RORA: variants seen among roughly 807,000 people sequenced by gnomAD.
RORA encodes the protein RAR related orphan receptor A, also known as nuclear receptor ROR-alpha.
Under a neutral mutation model 69.5 loss-of-function variants are expected in RORA, and 7 were observed. The observed-to-expected ratio is 0.10, with a 90% CI of 0.06 to 0.19. The LOEUF is 0.19. Ranked by LOEUF, RORA falls within the 10% of genes least tolerant of loss-of-function variation. The pLI is 1.00. For synonymous variants in RORA, 261 were observed against 240.8 expected, an observed-to-expected ratio of 1.08 and a Z score of -0.78; for missense variants, 457 against 663.0, an observed-to-expected ratio of 0.69 and a Z score of 3.41.
chr15:61,040,145 T>G (rs1167555919), intron 1 of RORA, among the ~76,000 whole-genome samples: 4 of 103,930 alleles, frequency 3.8e-5, no homozygotes, highest in African/African-American at 1.3e-4. Context: ...TATATATATA[T>G]ATATATATAT....
intron 1 of RORA, among the ~76,000 whole-genome samples, chr15:61,171,750 C>T (rs1196739307): frequency 1.3e-5 from 2 of 152,210 alleles, no homozygotes; most frequent in Admixed American, 1.3e-4. Flanking sequence ...AGCAGAGAGG[C>T]CTGGGTCATC....
chr15:61,175,244 T>TGAAAATTTAG (rs1388038170), intron 1 of RORA, among the ~76,000 whole-genome samples: 3 of 152,150 alleles, frequency 2.0e-5, no homozygotes, highest in Non-Finnish European at 4.4e-5. Context: ...TCCATGGTCC[T>TGAAAATTTAG]GAAAATTTAG....
chr15:60,801,489 C>T (rs918068633), intron 1 of RORA, among the ~76,000 whole-genome samples: 9 of 152,194 alleles, frequency 5.9e-5, no homozygotes, highest in Admixed American at 5.9e-4. Context: ...TGAGAATGAG[C>T]GTTTTTTTCC....
chr15:61,023,186 T>TC (rs1895626347), intron 1 of RORA, among the ~76,000 whole-genome samples: 4 of 15,496 alleles, frequency 2.6e-4, no homozygotes, highest in Non-Finnish European at 6.6e-4. Flanking sequence ...AGACTCTGCC[T>TC]CAAAAAAAAA....
intron 5 of RORA, among the ~76,000 whole-genome samples, chr15:60,509,097 C>T (rs1416134525): frequency 6.6e-6 from 1 of 152,106 alleles, no homozygotes; most frequent in Non-Finnish European, 1.5e-5. Context: ...AGTCAAGAGT[C>T]TTAGTTAAAG....
intron 1 of RORA, among the ~76,000 whole-genome samples, chr15:61,223,314 CAA>C (rs10685041): frequency 4.6e-4 from 44 of 96,226 alleles, no homozygotes; most frequent in South Asian, 1.8e-3. Context: ...GACTCTGTCT[CAA>C]AAAAAAAAAA....
chr15:60,544,569 C>G (rs8023943), intron 2 of RORA, among the ~76,000 whole-genome samples: 4 of 152,178 alleles, frequency 2.6e-5, no homozygotes, highest in East Asian at 3.9e-4. Flanking sequence ...CTTGCCATTA[C>G]AGATGAGACA....
At chr15:61,038,711 G>A (rs150530194) in intron 1 of RORA, 14 of 152,328 alleles carry the variant, frequency 9.2e-5, no homozygotes, top group Non-Finnish European at 1.6e-4. Flanking sequence ...CTGTGGTAGC[G>A]GAAGATTCTA....
chr15:60,811,737 C>T (rs1271535833), intron 1 of RORA, among the ~76,000 whole-genome samples: 2 of 152,120 alleles, frequency 1.3e-5, no homozygotes, highest in African/African-American at 4.8e-5. Context: ...TCTGACTAGT[C>T]CATCTCTGCA....
chr15:60,783,927 G>A (rs1284796023), intron 1 of RORA, among the ~76,000 whole-genome samples: 3 of 152,196 alleles, frequency 2.0e-5, no homozygotes, highest in Admixed American at 6.5e-5. Flanking sequence ...GAATTTGTAC[G>A]CATGATAATA....
Position 60,603,407 on chromosome 15 carries a change from CA to C in RORA, c.197-71557del, listed in dbSNP as rs993732719. The stretch of plus-strand genomic sequence containing the variant: ...CAATGTATGAGAGTTCCAGTTGCTC[CA>C]TATCCTCTCCAGCACATGGTGTTGT... On this transcript the variant is annotated intron_variant, in intron 2 of 10. Transcript: ENST00000335670. 9.8e-5 allele frequency among the ~76,000 whole-genome samples: 15 copies of C among 152,300 alleles called. No homozygotes were observed. The South Asian group carries it at 1.4e-3, about 15-fold the overall frequency.
intron 1 of RORA, among the ~76,000 whole-genome samples, chr15:61,009,518 C>A (rs1208634300): frequency 6.6e-6 from 1 of 152,218 alleles, no homozygotes; most frequent in Admixed American, 6.5e-5. Flanking sequence ...GGGGCATAGA[C>A]TGTCTATTTA....
intron 1 of RORA, among the ~76,000 whole-genome samples, chr15:61,099,362 T>C (rs376167201): frequency 2.6e-5 from 4 of 152,122 alleles, no homozygotes; most frequent in Non-Finnish European, 5.9e-5. Flanking sequence ...TCAGTTCTAA[T>C]TATCTCCTAA....
intron 1 of RORA, among the ~76,000 whole-genome samples, chr15:60,829,600 G>C (rs1382688366): frequency 1.3e-5 from 2 of 152,120 alleles, no homozygotes; most frequent in Non-Finnish European, 2.9e-5. Context: ...AAGCTCGCCA[G>C]GACAGCACAT....
intron 1 of RORA, among the ~76,000 whole-genome samples, chr15:60,873,562 CATA>C (rs2073582246): frequency 6.6e-6 from 1 of 152,056 alleles, no homozygotes; most frequent in African/African-American, 2.4e-5. Context: ...TGCAGAATGA[CATA>C]ATGAGAATGA....
intron 1 of RORA, among the ~76,000 whole-genome samples, chr15:60,790,389 C>G (rs540976266): frequency 6.6e-6 from 1 of 152,214 alleles, no homozygotes; most frequent in South Asian, 2.1e-4. Context: ...GGGAAGTGCA[C>G]CAGGAGAATT....
intron 2 of RORA, among the ~76,000 whole-genome samples, chr15:60,639,598 TA>T (rs924049183): frequency 6.6e-6 from 1 of 152,006 alleles, no homozygotes; most frequent in African/African-American, 2.4e-5. Context: ...ATTGAAACTG[TA>T]AAAAAAATTG....
chr15:60,565,090 A>G (rs1382825778), intron 2 of RORA, among the ~76,000 whole-genome samples: 2 of 152,320 alleles, frequency 1.3e-5, no homozygotes, highest in East Asian at 3.9e-4. Context: ...GAAGAAGAAC[A>G]CTGTCTTCTT....
At chr15:61,148,046 A>C (rs1424757445) in intron 1 of RORA, among the ~76,000 whole-genome samples, 1 of 152,194 alleles carries the variant, frequency 6.6e-6, no homozygotes, top group Non-Finnish European at 1.5e-5. Context: ...AATGGCATGA[A>C]GGGAACAAAG....
Sources: gnomAD v4.1 joint callset for allele counts (sites outside exome capture counted in the v4.1 genomes callset) on GRCh38, gnomAD v4.1.1 for gene constraint, MANE v1.5 for transcripts, NCBI Gene and HGNC (gene_info 2026-07-23, HGNC 2026-07-21) for gene names.